The following CSMD1 variants were observed in gnomAD, a reference collection of about 807,000 sequenced individuals.
The protein encoded by CSMD1 is CUB and Sushi multiple domains 1.
In CSMD1, 213 loss-of-function variants were observed where a neutral mutation model predicts 417.5. The observed-to-expected ratio is 0.51, with a 90% CI of 0.46 to 0.57. The LOEUF is 0.57. Ranked by LOEUF, CSMD1 falls within the 20% of genes least tolerant of loss-of-function variation. The probability of loss-of-function intolerance (pLI) is 0.00; values close to 1 mark genes in which losing one functional copy is unlikely to be tolerated. For synonymous variants in CSMD1, 2,862 were observed against 1,736.8 expected (o/e 1.65, Z -16.11); for missense variants, 6,923 against 4,529.7 (o/e 1.53, Z -15.17).
At chr8:4,180,438 G>T (rs946542037) in intron 3 of CSMD1, among the ~76,000 whole-genome samples, 1 of 113,914 alleles carries the variant, frequency 8.8e-6, no homozygotes, top group Admixed American at 1.1e-4. Flanking sequence ...GGGGTGGGGG[G>T]AGGGGGGAGG....
At chr8:4,055,314 T>G (rs150120000) in intron 3 of CSMD1, among the ~76,000 whole-genome samples, 4 of 152,272 alleles carry the variant, frequency 2.6e-5, no homozygotes, top group Non-Finnish European at 5.9e-5. Flanking sequence ...CAATGTCTCC[T>G]TCTCTAATAA....
chr8:3,578,289 T>C (rs1374843836), intron 9 of CSMD1, among the ~76,000 whole-genome samples: 2 of 148,808 alleles, frequency 1.3e-5, no homozygotes, highest in African/African-American at 4.8e-5. Flanking sequence ...CTGAGCTTTG[T>C]ACTGAGTAGA....
At chr8:4,064,970 C>G (rs1336082672) in intron 3 of CSMD1, among the ~76,000 whole-genome samples, 2 of 151,728 alleles carry the variant, frequency 1.3e-5, no homozygotes, top group African/African-American at 4.8e-5. Flanking sequence ...GCTGTGCATT[C>G]ACTAACTTTT....
chr8:3,983,970 T>G (rs1284779209), intron 5 of CSMD1, among the ~76,000 whole-genome samples: 2 of 152,220 alleles, frequency 1.3e-5, no homozygotes, highest in Admixed American at 1.3e-4. Context: ...CTGATGGGGC[T>G]GTCAATTGCA....
At position 3,250,367 on chromosome 8, in the gene CSMD1, G is replaced by A. The variant is rs184586513; in HGVS notation, c.4154-20136C>T. ...AATGATGGTTTCCAGCTTCATCCCTGTCCCTACAAAGGACATGAACTCATT... is the reference window on the plus strand; with the variant it reads ...AATGATGGTTTCCAGCTTCATCCCTATCCCTACAAAGGACATGAACTCATT... On this transcript the variant is annotated intron_variant, in intron 26 of 69. Coordinates refer to ENST00000635120, the MANE Select transcript of CSMD1 (RefSeq NM_033225.6). Among the ~76,000 whole-genome samples the A allele has an allele frequency of 1.8e-3, 278 of 152,250 alleles. 1 individual carries two copies. Among genetic ancestry groups the A allele is most frequent in the Non-Finnish European group, 1.8e-3 (124 of 68,018 alleles).
At chr8:3,296,914 G>T (rs1804015175) in intron 25 of CSMD1, among the ~76,000 whole-genome samples, 1 of 152,174 alleles carries the variant, frequency 6.6e-6, no homozygotes, top group Non-Finnish European at 1.5e-5. Context: ...GTTCACGTAA[G>T]TTGGAGTTTC....
intron 5 of CSMD1, among the ~76,000 whole-genome samples, chr8:3,939,911 T>C (rs1019230457): frequency 6.6e-6 from 1 of 152,104 alleles, no homozygotes; most frequent in African/African-American, 2.4e-5. Context: ...TTGGGTTCAC[T>C]GTAAACTTCT....
At chr8:4,704,749 T>G (rs890155968) in intron 1 of CSMD1, among the ~76,000 whole-genome samples, 1 of 152,192 alleles carries the variant, frequency 6.6e-6, no homozygotes, top group African/African-American at 2.4e-5. Context: ...GTTCTGGATA[T>G]GTGTGAGTTG....
At chr8:4,284,741 C>G (rs546361763) in intron 3 of CSMD1, among the ~76,000 whole-genome samples, 5 of 152,242 alleles carry the variant, frequency 3.3e-5, no homozygotes, top group South Asian at 2.1e-4. Context: ...CTCCATGTGT[C>G]AGATGATAGC....
intron 3 of CSMD1, among the ~76,000 whole-genome samples, chr8:4,265,567 G>A (rs1804187254): frequency 9.6e-6 from 1 of 103,914 alleles, no homozygotes; most frequent in African/African-American, 2.6e-5. Context: ...ATACTCCTAT[G>A]TTTTATGCTA....
chr8:3,764,231 G>C (rs887517466), intron 5 of CSMD1, among the ~76,000 whole-genome samples: 4 of 152,166 alleles, frequency 2.6e-5, no homozygotes, highest in East Asian at 1.9e-4. Flanking sequence ...CACCTGCAAA[G>C]TACGCTTCTC....
At chr8:3,533,147 A>T (rs773563746) in intron 10 of CSMD1, among the ~76,000 whole-genome samples, 1 of 152,224 alleles carries the variant, frequency 6.6e-6, no homozygotes, top group African/African-American at 2.4e-5. Flanking sequence ...GCAGAGGAAG[A>T]AATTTAAAGA....
intron 5 of CSMD1, among the ~76,000 whole-genome samples, chr8:3,761,257 A>G (rs1426703408): frequency 6.6e-6 from 1 of 152,210 alleles, no homozygotes; most frequent in Non-Finnish European, 1.5e-5. Context: ...GTGTGTGTAT[A>G]CACACATAAA....
At chr8:3,083,382 T>C (rs1814250848) in intron 49 of CSMD1, among the ~76,000 whole-genome samples, 2 of 151,608 alleles carry the variant, frequency 1.3e-5, no homozygotes, top group African/African-American at 2.4e-5. Flanking sequence ...CAACACATCG[T>C]TGATAATCAG....
At chr8:4,176,765 G>A (rs1271502841) in intron 3 of CSMD1, among the ~76,000 whole-genome samples, 3 of 149,668 alleles carry the variant, frequency 2.0e-5, no homozygotes, top group African/African-American at 7.4e-5. Flanking sequence ...ACAAAAAAAG[G>A]CAGGGGTTGC....
At chr8:4,915,525 G>A (rs529161720) in intron 1 of CSMD1, among the ~76,000 whole-genome samples, 1 of 152,202 alleles carries the variant, frequency 6.6e-6, no homozygotes, top group African/African-American at 2.4e-5. Flanking sequence ...AGCAGGCCTG[G>A]CAGGAGCACG....
intron 12 of CSMD1, among the ~76,000 whole-genome samples, chr8:3,441,030 T>A (rs145976367): frequency 3.3e-5 from 5 of 152,240 alleles, no homozygotes; most frequent in African/African-American, 1.2e-4. Context: ...TGTCCCCACA[T>A]CCAAAATACG....
intron 1 of CSMD1, among the ~76,000 whole-genome samples, chr8:4,949,545 G>C (rs1440989947): frequency 2.0e-5 from 3 of 152,146 alleles, no homozygotes; most frequent in Non-Finnish European, 4.4e-5. Context: ...GACGTGCTTA[G>C]TTGTTGCATG....
chr8:4,067,591 T>C (rs540556185), intron 3 of CSMD1, among the ~76,000 whole-genome samples: 1 of 152,312 alleles, frequency 6.6e-6, no homozygotes, highest in East Asian at 1.9e-4. Context: ...TTTTTGTTTA[T>C]TAATTATCAA....
Sources: gnomAD v4.1 joint callset for allele counts (sites outside exome capture counted in the v4.1 genomes callset) on GRCh38, gnomAD v4.1.1 for gene constraint, MANE v1.5 for transcripts, NCBI Gene and HGNC (gene_info 2026-07-23, HGNC 2026-07-21) for gene names.